Variants in BRF1 observed in about 807,000 individuals in gnomAD.
BRF1 encodes BRF1 general transcription factor IIIB subunit.
BRF1 carries 59 observed loss-of-function variants against 81.7 expected under a neutral mutation model. That is an observed-to-expected ratio of 0.72 (90% confidence interval 0.59 to 0.90). The LOEUF is 0.90. Ranked by LOEUF, BRF1 falls within the 40% of genes least tolerant of loss-of-function variation. BRF1 has a pLI of 0.00. For missense variants in BRF1, 1,050 were observed against 936.3 expected (o/e 1.12, Z -1.58); for synonymous variants, 491 against 395.6 (o/e 1.24, Z -2.86).
intron 5 of BRF1, among the ~76,000 whole-genome samples, chr14:105,246,179 C>T (rs1018808939): frequency 3.9e-5 from 6 of 151,908 alleles, no homozygotes; most frequent in Admixed American, 1.3e-4. Context: ...GCACCCTCAC[C>T]ACCGCACTCC....
chr14:105,261,104 C>T (rs1161412753), intron 3 of BRF1, among the ~76,000 whole-genome samples: 7 of 152,244 alleles, frequency 4.6e-5, no homozygotes, highest in African/African-American at 1.7e-4. Flanking sequence ...GTCTGCGGCC[C>T]CCAGGGTGCG....
At chr14:105,306,556 A>G (rs772553740) in intron 1 of BRF1, among the ~76,000 whole-genome samples, 34 of 149,824 alleles carry the variant, frequency 2.3e-4, no homozygotes, top group Non-Finnish European at 3.8e-4. Flanking sequence ...GCCCACCTCA[A>G]CCTCCCAAAG....
At chr14:105,298,662 C>A (rs2057840463) in intron 1 of BRF1, among the ~76,000 whole-genome samples, 1 of 151,270 alleles carries the variant, frequency 6.6e-6, no homozygotes, top group African/African-American at 2.4e-5. Flanking sequence ...CAAGACCAGC[C>A]TGACGAACAG....
At position 105,247,603 on chromosome 14, in the gene BRF1, CCTGTTCA is replaced by C. The variant is rs2055206970; in HGVS notation, c.544+4897_544+4903del. On this transcript the variant is annotated intron_variant, in intron 5 of 17. Transcript: ENST00000547530. ...GTAACGACCACAGAGACACAGAGCT[CCTGTTCA>C]CTGTTTAGCCCAGGACTGCGGTGAC... The C allele has an allele frequency of 3.0e-6, 3 of 985,304 alleles. No homozygotes were observed. In the South Asian group the frequency reaches 1.4e-4, roughly 46 times the overall value. 61.0% of individuals were successfully genotyped at this position (985,304 alleles called of 1,614,324 possible).
chr14:105,228,241 T>A (rs1217529588), intron 7 of BRF1: 3 of 152,492 alleles, frequency 2.0e-5, no homozygotes, highest in Non-Finnish European at 4.4e-5. Context: ...AGGGCAACTT[T>A]ACACATCACC....
chr14:105,244,274 T>A (rs1404072275), intron 5 of BRF1, among the ~76,000 whole-genome samples: 1 of 151,594 alleles, frequency 6.6e-6, no homozygotes, highest in Non-Finnish European at 1.5e-5. Flanking sequence ...GAGACCCCCA[T>A]CTTTACAAAA....
At chr14:105,248,686 CGCG>C (rs1446946672) in intron 5 of BRF1, 7 of 982,000 alleles carry the variant, frequency 7.1e-6, no homozygotes, top group Non-Finnish European at 8.4e-6. Context: ...GTGGCAGCCC[CGCG>C]GGTCACAGCG....
chr14:105,212,572 T>G, intron 15 of BRF1: 1 of 191,302 alleles, frequency 5.2e-6, no homozygotes, highest in Non-Finnish European at 1.1e-5. Flanking sequence ...TCCCTACATC[T>G]GCTGACAACA....
At chr14:105,219,999 A>T in intron 12 of BRF1, 70 bp downstream of exon 12, 1 of 1,584,180 alleles carries the variant, frequency 6.3e-7, no homozygotes, top group Non-Finnish European at 8.6e-7. Context: ...CCGCCCGACC[A>T]CTCAGGGCTC....
chr14:105,293,193 C>A (rs61996222), intron 1 of BRF1, among the ~76,000 whole-genome samples: 1 of 152,212 alleles, frequency 6.6e-6, no homozygotes, highest in African/African-American at 2.4e-5. Flanking sequence ...AGAGGCTGGC[C>A]GGTCACATCC....
chr14:105,217,450 C>CG, intron 15 of BRF1, 94 bp downstream of exon 15: 1 of 1,544,208 alleles, frequency 6.5e-7, no homozygotes, highest in Admixed American at 1.8e-5. Context: ...TCTGTGGCCC[C>CG]GGCTGGCCCC....
chr14:105,300,399 C>T, intron 1 of BRF1, 47 bp downstream of exon 1: 7 of 1,477,630 alleles, frequency 4.7e-6, no homozygotes, highest in Non-Finnish European at 6.2e-6. Context: ...TCCAGCCCGC[C>T]TAAGCCGCAC....
At chr14:105,268,545 G>T (rs770517268) in intron 3 of BRF1, among the ~76,000 whole-genome samples, 3 of 152,240 alleles carry the variant, frequency 2.0e-5, no homozygotes, top group Admixed American at 6.5e-5. Context: ...CCTGAGGATC[G>T]GGCAACAATG....
In BRF1 at chr14:105,209,593, G is replaced by T. The variant is rs1889850738; in HGVS notation, c.*958C>A. ...GAGACCTCCTACGAGTGGTACTGGG[G>T]CCTTCCCACGAAGAGGCCTGGGGAG... On this transcript the variant is annotated 3_prime_UTR_variant, in exon 18 of 18. Transcript: ENST00000547530. The T allele has an allele frequency of 1.4e-6, 1 of 702,462 alleles. No homozygotes were observed. The highest frequency in any genetic ancestry group is 2.6e-6 in the Non-Finnish European group (1 of 384,748). 43.5% of individuals were successfully genotyped at this position (702,462 alleles called of 1,614,324 possible). A position where few individuals can be genotyped will look rare whatever the true frequency, so the allele number is the denominator to read the frequency against.
chr14:105,303,589 C>G (rs951734389), upstream of BRF1, among the ~76,000 whole-genome samples: 1 of 152,166 alleles, frequency 6.6e-6, no homozygotes, highest in African/African-American at 2.4e-5. Context: ...GATTTAAGAT[C>G]TCTTTTCCTT....
At chr14:105,241,439 G>C (rs587688616) in intron 5 of BRF1, 25 bp from the exon 6 acceptor site, 2 of 1,608,180 alleles carry the variant, frequency 1.2e-6, no homozygotes, top group African/African-American at 1.3e-5. Flanking sequence ...GCACCTCAGT[G>C]CCCACCTCCA....
In BRF1 at chr14:105,217,594, C is replaced by T. The variant is rs1251637449; in HGVS notation, c.1722G>A (p.Arg574=). 1 of 1,613,500 alleles carries T rather than the reference C, an allele frequency of 6.2e-7. No homozygotes were observed. The highest frequency in any genetic ancestry group is 1.7e-5 in the Admixed American group (1 of 60,014). ...SASARKLSRR[R]TPASRSGADP... Reference sequence around the variant, plus strand: ...CAGCCCCACTTCTGCTGGCCGGCGTCCTCCTTCGTGACAGCTTCCTGGCAC... The same window carrying T: ...CAGCCCCACTTCTGCTGGCCGGCGTTCTCCTTCGTGACAGCTTCCTGGCAC... The change falls in exon 15 of 18, where the codon AGG becomes AGA. Residue 574 remains arginine, a synonymous_variant. Coordinates refer to ENST00000547530, the MANE Select transcript of BRF1 (RefSeq NM_001519.4).
rs745405662 is a variant in BRF1 at position 105,217,671 on chromosome 14, C to T, written c.1645G>A (p.Ala549Thr). Residue 549 changes from alanine to threonine, a missense_variant, in exon 15 of 18, where the codon GCC (alanine) becomes ACC (threonine). This residue lies in a region of BRF1 where 1,043 missense variants were observed against 915.4 expected (regional missense o/e 1.14). Transcript: ENST00000547530. Reference protein sequence around the residue: ...NYSVLRGLSSAGGGSPHREDA... With the variant: ...NYSVLRGLSSTGGGSPHREDA... ...TCCCTGTGCGGACTGCCCCCGCCGG[C>T]GCTGCTGAGGCCCCGGAGCACGCTA... is the stretch of plus-strand genomic sequence containing the variant. 7.4e-6 allele frequency: 12 copies of T among 1,613,280 alleles called. No individual in the cohort carries two copies. Among genetic ancestry groups the T allele is most frequent in the South Asian group, 3.3e-5 (3 of 91,092 alleles).
chr14:105,257,585 C>T (rs2055945454), intron 3 of BRF1, among the ~76,000 whole-genome samples: 1 of 152,108 alleles, frequency 6.6e-6, no homozygotes, highest in Non-Finnish European at 1.5e-5. Flanking sequence ...AACAAAGGTG[C>T]ATCTGAAGGC....
Sources: allele counts gnomAD v4.1 joint callset (sites outside exome capture counted in the v4.1 genomes callset), GRCh38; gene constraint gnomAD v4.1.1; regional missense constraint gnomAD v4.1.1; transcripts MANE v1.5; gene names NCBI Gene and HGNC (gene_info 2026-07-23, HGNC 2026-07-21).